HDAC9: variants seen among roughly 807,000 people sequenced by gnomAD.
HDAC9 encodes MEF-2 interacting transcription repressor (MITR) protein.
Under a neutral mutation model 139.4 loss-of-function variants are expected in HDAC9, and 41 were observed. The ratio of observed to expected loss-of-function variants is 0.29; its 90% CI spans 0.23 to 0.38. HDAC9 has a LOEUF of 0.38. Among genes scored for constraint, HDAC9 ranks in the 10% least tolerant of loss-of-function variants. The pLI, the probability that HDAC9 is intolerant of heterozygous loss-of-function variation, is 1.00. For synonymous variants in HDAC9, 517 were observed against 476.2 expected (o/e 1.09, Z -1.12); for missense variants, 1,147 against 1,297.0 (o/e 0.88, Z 1.78).
chr7:18,657,110 C>G (rs1349695922), intron 11 of HDAC9, among the ~76,000 whole-genome samples: 1 of 151,960 alleles, frequency 6.6e-6, no homozygotes, highest in Admixed American at 6.6e-5. Context: ...CATCTTTTGT[C>G]CGTTTTAAAA....
At chr7:18,238,369 C>T (rs773763237) in intron 2 of HDAC9, among the ~76,000 whole-genome samples, 19 of 152,122 alleles carry the variant, frequency 1.2e-4, no homozygotes, top group Non-Finnish European at 2.6e-4. Flanking sequence ...TCAGTCATAA[C>T]CACGTCAGAT....
At chr7:18,772,161 A>C (rs1022780072) in intron 16 of HDAC9, among the ~76,000 whole-genome samples, 6 of 152,092 alleles carry the variant, frequency 3.9e-5, no homozygotes, top group Non-Finnish European at 7.4e-5. Flanking sequence ...TTATAAGCTA[A>C]ATTTTCAAGA....
intron 12 of HDAC9, among the ~76,000 whole-genome samples, chr7:18,675,244 C>CT (rs1461295994): frequency 6.6e-6 from 1 of 151,982 alleles, no homozygotes; most frequent in Non-Finnish European, 1.5e-5. Context: ...TTTGCATCGT[C>CT]TTTGAGATCT....
chr7:18,715,034 A>G (rs1784600672), intron 12 of HDAC9, among the ~76,000 whole-genome samples: 1 of 152,230 alleles, frequency 6.6e-6, no homozygotes. Flanking sequence ...ATTCTTTTCA[A>G]AAACCAAAGT....
chr7:18,349,836 T>G (rs548366246), intron 1 of HDAC9, among the ~76,000 whole-genome samples: 2 of 152,296 alleles, frequency 1.3e-5, no homozygotes, highest in East Asian at 3.9e-4. Flanking sequence ...ACTCAAATAA[T>G]GAAGTGGCTA....
intron 2 of HDAC9, among the ~76,000 whole-genome samples, chr7:18,204,502 C>T (rs1010531387): frequency 6.6e-6 from 1 of 151,852 alleles, no homozygotes; most frequent in Non-Finnish European, 1.5e-5. Flanking sequence ...AAATTGTTAA[C>T]AATAATGTAT....
intron 2 of HDAC9, among the ~76,000 whole-genome samples, chr7:18,232,984 G>T (rs1234144177): frequency 6.6e-6 from 1 of 152,050 alleles, no homozygotes; most frequent in African/African-American, 2.4e-5. Flanking sequence ...AGATATCTAG[G>T]AGACTCAATT....
chr7:18,814,369 TG>T (rs1218633592), intron 17 of HDAC9, among the ~76,000 whole-genome samples: 1 of 152,194 alleles, frequency 6.6e-6, no homozygotes, highest in African/African-American at 2.4e-5. Context: ...AAGTAATTTA[TG>T]TTTGTTTTTA....
intron 7 of HDAC9, among the ~76,000 whole-genome samples, chr7:18,632,117 C>T (rs370909323): frequency 2.0e-5 from 3 of 151,382 alleles, no homozygotes; most frequent in Non-Finnish European, 4.4e-5. Context: ...ATTGTAAAGA[C>T]GAGAGTTAGG....
At chr7:18,664,020 A>G (rs963074569) in intron 11 of HDAC9, among the ~76,000 whole-genome samples, 6 of 152,158 alleles carry the variant, frequency 3.9e-5, no homozygotes, top group African/African-American at 1.4e-4. Flanking sequence ...GCTCGTTTCT[A>G]TGCTGTTGCA....
intron 2 of HDAC9, among the ~76,000 whole-genome samples, chr7:18,203,892 A>G (rs1791308442): frequency 6.6e-6 from 1 of 152,168 alleles, no homozygotes; most frequent in Non-Finnish European, 1.5e-5. Flanking sequence ...TAGAAGGAGC[A>G]CTGTATTTTG....
intron 7 of HDAC9, among the ~76,000 whole-genome samples, chr7:18,632,077 G>A (rs1367391425): frequency 6.6e-6 from 1 of 151,846 alleles, no homozygotes; most frequent in Non-Finnish European, 1.5e-5. Flanking sequence ...AAATGATATG[G>A]AAATGAGACA....
At chr7:18,726,200 C>G (rs963670599) in intron 12 of HDAC9, among the ~76,000 whole-genome samples, 3 of 152,152 alleles carry the variant, frequency 2.0e-5, no homozygotes, top group Non-Finnish European at 4.4e-5. Flanking sequence ...ACATAATACG[C>G]AATGAGTACA....
At chr7:18,859,811 C>CATATATATATATATATAT (rs56249427) in intron 21 of HDAC9, among the ~76,000 whole-genome samples, 1 of 44,848 alleles carries the variant, frequency 2.2e-5, no homozygotes, top group Non-Finnish European at 5.0e-5. Context: ...CTAACGCTCT[C>CATATATATATATATATAT]ATATATATAT....
At chr7:18,951,393 T>C (rs572008695) in intron 23 of HDAC9, among the ~76,000 whole-genome samples, 18 of 152,090 alleles carry the variant, frequency 1.2e-4, no homozygotes, top group Admixed American at 5.9e-4. Context: ...GATTAAGCTT[T>C]AGATACAATT....
intron 22 of HDAC9, among the ~76,000 whole-genome samples, chr7:18,913,851 C>G (rs1038945053): frequency 6.6e-6 from 1 of 151,970 alleles, no homozygotes; most frequent in Non-Finnish European, 1.5e-5. Context: ...TTCAATAATT[C>G]TGGTACAGAA....
chr7:18,703,901 C>G (rs538411615), intron 12 of HDAC9, among the ~76,000 whole-genome samples: 1 of 152,210 alleles, frequency 6.6e-6, no homozygotes, highest in South Asian at 2.1e-4. Context: ...CAGTCCATTA[C>G]TAATTTTAGC....
At chr7:18,875,424 T>A (rs1384043251) in intron 22 of HDAC9, among the ~76,000 whole-genome samples, 1 of 152,076 alleles carries the variant, frequency 6.6e-6, no homozygotes, top group Non-Finnish European at 1.5e-5. Context: ...CCAAATACTT[T>A]TAAGTGGGAG....
chr7:18,640,385 A>G (rs796544152), intron 8 of HDAC9, among the ~76,000 whole-genome samples: 2 of 127,070 alleles, frequency 1.6e-5, no homozygotes, highest in Non-Finnish European at 3.5e-5. Context: ...AAAAAAAAAA[A>G]AGGAAAAGTA....
Sources: allele counts gnomAD v4.1 joint callset (sites outside exome capture counted in the v4.1 genomes callset), GRCh38; gene constraint gnomAD v4.1.1; transcripts MANE v1.5; gene names NCBI Gene and HGNC (gene_info 2026-07-23, HGNC 2026-07-21).